The following NRP2 variants were observed in gnomAD, a reference collection of about 807,000 sequenced individuals.
NRP2 encodes the protein neuropilin 2.
In NRP2, 52 loss-of-function variants were observed where a neutral mutation model predicts 110.4. The observed-to-expected ratio is 0.47, with a 90% CI of 0.38 to 0.59. NRP2 has a LOEUF of 0.59. Among genes scored for constraint, NRP2 ranks in the 20% least tolerant of loss-of-function variants. The pLI is 0.00. For missense variants in NRP2, 1,049 were observed against 1,203.0 expected (o/e 0.87, Z 1.89); for synonymous variants, 508 against 468.9 (o/e 1.08, Z -1.08).
At chr2:205,755,463 C>T (rs372901741) in intron 12 of NRP2, among the ~76,000 whole-genome samples, 2 of 152,160 alleles carry the variant, frequency 1.3e-5, no homozygotes, top group Admixed American at 6.5e-5. Context: ...GTTCTCAGAG[C>T]CCTTCCCTCT....
intron 8 of NRP2, among the ~76,000 whole-genome samples, chr2:205,742,152 A>C (rs115130379): frequency 7.2e-4 from 110 of 152,356 alleles, no homozygotes; most frequent in African/African-American, 2.5e-3. Context: ...ATTTTGAAGA[A>C]GGGGAACAAC....
rs534505948 is a variant in NRP2 at position 205,686,265 on chromosome 2, C to T, written c.73+2902C>T. Among the ~76,000 whole-genome samples, 2 of 152,288 alleles carry T rather than the reference C, an allele frequency of 1.3e-5. No homozygotes were observed. Among genetic ancestry groups the T allele is most frequent in the East Asian group, 1.9e-4 (1 of 5,164 alleles). ...AAGGACACCCCCAGGGAAAAGCCTG[C>T]GGCATTTCTTCAACGCTGCCCTATG... is the stretch of plus-strand genomic sequence containing the variant. On this transcript the variant is annotated intron_variant, in intron 1 of 16. Coordinates refer to ENST00000357785, the MANE Select transcript of NRP2 (RefSeq NM_003872.3). This position sits in a 1 kb window ranked among gnomAD's most constrained non-coding sequence, Gnocchi z 4.7.
chr2:205,693,965 A>C (rs1380505233), intron 1 of NRP2, among the ~76,000 whole-genome samples: 1 of 152,258 alleles, frequency 6.6e-6, no homozygotes, highest in Admixed American at 6.5e-5. Context: ...AATGCCAACT[A>C]CATTTTTCTA....
chr2:205,776,472 G>A lies in NRP2; in HGVS notation c.2425+9669G>A, dbSNP rs768540716. 6.2e-6 allele frequency: 10 copies of A among 1,611,620 alleles called. No homozygotes were observed. The highest frequency in any genetic ancestry group is 1.6e-4 in the Middle Eastern group (1 of 6,084). On this transcript the variant is annotated intron_variant, in intron 15 of 16. Transcript: ENST00000357785. ...ACTACACCAACGGGGCCCCTCTGGC[G>A]GTGGAGCCCACCCTAACCATTAAGC...
rs1483008904 is a variant in NRP2, at chr2:205,686,899, C to A, written c.73+3536C>A. Among the ~76,000 whole-genome samples the A allele has an allele frequency of 6.6e-6, 1 of 152,214 alleles. No homozygotes were observed. Among genetic ancestry groups the A allele is most frequent in the Non-Finnish European group, 1.5e-5 (1 of 68,036 alleles). ...ATTCCCGATCAGCGCCCACTACGAACGTCCCCTTTGCTAGAGTTAATCATG... is the reference window on the plus strand; with the variant it reads ...ATTCCCGATCAGCGCCCACTACGAAAGTCCCCTTTGCTAGAGTTAATCATG... On this transcript the variant is annotated intron_variant, in intron 1 of 16. Coordinates refer to ENST00000357785, the MANE Select transcript of NRP2 (RefSeq NM_003872.3). This position sits in a 1 kb window ranked among gnomAD's most constrained non-coding sequence, Gnocchi z 4.7.
intron 15 of NRP2, among the ~76,000 whole-genome samples, chr2:205,774,466 G>A (rs1267100614): frequency 1.3e-5 from 2 of 152,130 alleles, no homozygotes; most frequent in Non-Finnish European, 2.9e-5. Flanking sequence ...CTACCCCAGG[G>A]GTTGTGGATG....
intron 8 of NRP2, among the ~76,000 whole-genome samples, chr2:205,741,138 G>A (rs73983253): frequency 0.047 from 7,204 of 152,272 alleles, 472 homozygotes; most frequent in African/African-American, 0.15. Context: ...GGACACAAAG[G>A]TGGGCACAAC....
chr2:205,726,207 T>A, intron 6 of NRP2, 125 bp downstream of exon 6: 1 of 953,452 alleles, frequency 1.0e-6, no homozygotes, highest in Non-Finnish European at 1.6e-6. Flanking sequence ...AGAACTCCAT[T>A]CATTCATTCA....
intron 1 of NRP2, among the ~76,000 whole-genome samples, chr2:205,696,098 G>T (rs1463228700): frequency 6.6e-6 from 1 of 152,218 alleles, no homozygotes; most frequent in Non-Finnish European, 1.5e-5. Flanking sequence ...GTTTGAGCTC[G>T]TGGAGGCTTG....
chr2:205,776,611 A>G, intron 15 of NRP2: 3 of 1,597,368 alleles, frequency 1.9e-6, no homozygotes, highest in South Asian at 2.2e-5. Flanking sequence ...CTCCTCGCCT[A>G]GTTTCTGTGT....
chr2:205,712,178 A>G (rs2056812026), intron 2 of NRP2, among the ~76,000 whole-genome samples: 2 of 152,160 alleles, frequency 1.3e-5, no homozygotes, highest in African/African-American at 4.8e-5. Flanking sequence ...ATAAAAAGGC[A>G]CTCGGGGAAC....
At chr2:205,739,034 G>A (rs1185267744) in intron 7 of NRP2, among the ~76,000 whole-genome samples, 1 of 152,144 alleles carries the variant, frequency 6.6e-6, no homozygotes, top group African/African-American at 2.4e-5. Context: ...GGGGAAGAAA[G>A]GACTGTGTTG....
intron 7 of NRP2, among the ~76,000 whole-genome samples, chr2:205,738,829 G>A (rs990066812): frequency 1.3e-5 from 2 of 152,152 alleles, no homozygotes; most frequent in South Asian, 2.1e-4. Context: ...GGTGGACTTC[G>A]CACCAGATCA....
At chr2:205,713,294 C>A (rs946262966) in intron 2 of NRP2, among the ~76,000 whole-genome samples, 1 of 152,090 alleles carries the variant, frequency 6.6e-6, no homozygotes, top group African/African-American at 2.4e-5. Flanking sequence ...TCTGGTGAAG[C>A]TTTAAAAAAA....
At chr2:205,747,867 G>A (rs926181890) in intron 10 of NRP2, among the ~76,000 whole-genome samples, 1 of 152,126 alleles carries the variant, frequency 6.6e-6, no homozygotes, top group African/African-American at 2.4e-5. Context: ...GTGATGGTCA[G>A]TGACAGGTTT....
rs181469237 is a variant in NRP2 at position 205,787,592 on chromosome 2, C to T, written c.2426-4643C>T. 1.7e-3 allele frequency among the ~76,000 whole-genome samples: 264 copies of T among 151,958 alleles called. 1 individual carries two copies. Among genetic ancestry groups the T allele is most frequent in the Admixed American group, 6.0e-3 (92 of 15,254 alleles). On this transcript the variant is annotated intron_variant, in intron 15 of 16. Transcript: ENST00000357785. ...CAATATGCTCTGTGTAGACACAGAG[C>T]GAAGGCTGAGAATTTTCTGTAAGAA...
chr2:205,697,437 G>A, intron 1 of NRP2, 107 bp from the exon 2 acceptor site: 1 of 1,074,992 alleles, frequency 9.3e-7, no homozygotes, highest in East Asian at 2.4e-5. Context: ...TAAAAGGTCT[G>A]TAAAATAGTT....
chr2:205,717,624 G>T (rs187804209), intron 3 of NRP2, among the ~76,000 whole-genome samples: 36 of 152,314 alleles, frequency 2.4e-4, no homozygotes, highest in Admixed American at 2.2e-3. Context: ...TCTCTGCCTT[G>T]GGTTTTCATG....
At chr2:205,748,102 C>T (rs567699959) in intron 10 of NRP2, among the ~76,000 whole-genome samples, 6 of 152,160 alleles carry the variant, frequency 3.9e-5, no homozygotes, top group South Asian at 2.1e-4. Flanking sequence ...TTCATTTACA[C>T]GCCCTGCCCT....
Sources: allele counts gnomAD v4.1 joint callset (sites outside exome capture counted in the v4.1 genomes callset), GRCh38; gene constraint gnomAD v4.1.1; non-coding constraint Gnocchi (gnomAD v3.1); transcripts MANE v1.5; gene names NCBI Gene and HGNC (gene_info 2026-07-23, HGNC 2026-07-21).